Variants in PPARGC1A observed in about 807,000 individuals in gnomAD.
The protein encoded by PPARGC1A is PPARG coactivator 1 alpha.
In PPARGC1A, 25 loss-of-function variants were observed where a neutral mutation model predicts 88.7. The ratio of observed to expected loss-of-function variants is 0.28; its 90% confidence interval spans 0.21 to 0.39. The LOEUF (loss-of-function observed/expected upper bound fraction) is 0.39. Ranked by LOEUF, PPARGC1A falls within the 10% of genes least tolerant of loss-of-function variation. The pLI, the probability that PPARGC1A is intolerant of heterozygous loss-of-function variation, is 1.00. For synonymous variants in PPARGC1A, 363 were observed against 355.6 expected, an observed-to-expected ratio of 1.02 and a Z score of -0.24; for missense variants, 880 against 968.7, an observed-to-expected ratio of 0.91 and a Z score of 1.22.
the PPARGC1A span, among the ~76,000 whole-genome samples, chr4:23,974,145 T>C: frequency 3.3e-5 from 5 of 152,124 alleles, no homozygotes; most frequent in Non-Finnish European, 1.5e-5. Flanking sequence ...ATGTCCAATA[T>C]TTATTGAGAA....
At chr4:24,036,390 G>T in the PPARGC1A span, among the ~76,000 whole-genome samples, 3 of 152,118 alleles carry the variant, frequency 2.0e-5, no homozygotes, top group Non-Finnish European at 4.4e-5. Context: ...GCACTCCTGG[G>T]TTTATATCCA....
chr4:24,399,562 T>C, the PPARGC1A span, among the ~76,000 whole-genome samples: 2 of 152,156 alleles, frequency 1.3e-5, no homozygotes, highest in African/African-American at 4.8e-5. Flanking sequence ...AAAAGGACAT[T>C]ATGTGTAAGT....
chr4:23,858,716 G>A (rs1730653009), intron 2 of PPARGC1A, among the ~76,000 whole-genome samples: 1 of 152,180 alleles, frequency 6.6e-6, no homozygotes. Flanking sequence ...CAGAAAGGTA[G>A]AAAATTGACA....
At chr4:24,066,230 C>T in the PPARGC1A span, among the ~76,000 whole-genome samples, 1 of 152,022 alleles carries the variant, frequency 6.6e-6, no homozygotes, top group Admixed American at 6.6e-5. Context: ...AGGTAGAAGC[C>T]TCTCTAAAAA....
At chr4:23,866,876 CCTT>C (rs1006042768) in intron 2 of PPARGC1A, among the ~76,000 whole-genome samples, 40 of 151,984 alleles carry the variant, frequency 2.6e-4, no homozygotes, top group African/African-American at 6.5e-4. Flanking sequence ...ACTCAAGAAT[CCTT>C]CTTATTTTGC....
chr4:24,282,774 C>T, the PPARGC1A span, among the ~76,000 whole-genome samples: 1 of 152,224 alleles, frequency 6.6e-6, no homozygotes, highest in Non-Finnish European at 1.5e-5. Flanking sequence ...CCAGCACTTG[C>T]TCCGGCTGCT....
intron 7 of PPARGC1A, among the ~76,000 whole-genome samples, chr4:23,819,909 C>T (rs1173430570): frequency 6.6e-6 from 1 of 152,126 alleles, no homozygotes; most frequent in African/African-American, 2.4e-5. Context: ...CCGACAACTA[C>T]CCATATTTTA....
At chr4:24,280,552 G>A in the PPARGC1A span, among the ~76,000 whole-genome samples, 1 of 152,082 alleles carries the variant, frequency 6.6e-6, no homozygotes, top group South Asian at 2.1e-4. Context: ...GAAAGAGAAG[G>A]GAAGGAGAGA....
At chr4:23,898,834 AT>A (rs34953632) in intron 1 of PPARGC1A, among the ~76,000 whole-genome samples, 18,987 of 133,040 alleles carry the variant, frequency 0.14, 1,584 homozygotes, top group African/African-American at 0.28. Flanking sequence ...TGAGGTGGGT[AT>A]TTTTTTTTTT....
chr4:23,834,677 C>A (rs1298166200), intron 2 of PPARGC1A, among the ~76,000 whole-genome samples: 1 of 152,146 alleles, frequency 6.6e-6, no homozygotes, highest in Non-Finnish European at 1.5e-5. Context: ...AATCTACCTT[C>A]TTTCAATATG....
At chr4:24,265,542 T>G in the PPARGC1A span, among the ~76,000 whole-genome samples, 2 of 152,122 alleles carry the variant, frequency 1.3e-5, no homozygotes, top group Non-Finnish European at 2.9e-5. Context: ...GGCTTCACAG[T>G]GAGCAATGCA....
At chr4:24,313,536 A>T in the PPARGC1A span, among the ~76,000 whole-genome samples, 2 of 152,210 alleles carry the variant, frequency 1.3e-5, no homozygotes, top group Non-Finnish European at 2.9e-5. Flanking sequence ...TGGAAAGTTT[A>T]TTCAGTTTCT....
the PPARGC1A span, among the ~76,000 whole-genome samples, chr4:24,230,676 G>A: frequency 5.9e-5 from 9 of 152,284 alleles, no homozygotes; most frequent in Middle Eastern, 3.4e-3. Context: ...TCTGAGCAGT[G>A]CGAAGAGAAA....
chr4:24,170,614 C>A, the PPARGC1A span, among the ~76,000 whole-genome samples: 1 of 152,296 alleles, frequency 6.6e-6, no homozygotes, highest in South Asian at 2.1e-4. Context: ...GATAGTCCAT[C>A]AGCTCGTTGA....
the PPARGC1A span, among the ~76,000 whole-genome samples, chr4:24,178,940 T>A: frequency 6.6e-6 from 1 of 152,222 alleles, no homozygotes; most frequent in African/African-American, 2.4e-5. Context: ...GTTTCTTTTT[T>A]AATCATAACC....
chr4:24,031,200 A>G, the PPARGC1A span, among the ~76,000 whole-genome samples: 3 of 152,208 alleles, frequency 2.0e-5, no homozygotes, highest in African/African-American at 7.2e-5. Context: ...TAATGAATTA[A>G]TGATACAAAA....
At chr4:24,287,174 G>A in the PPARGC1A span, among the ~76,000 whole-genome samples, 2 of 150,970 alleles carry the variant, frequency 1.3e-5, no homozygotes, top group Admixed American at 6.6e-5. Flanking sequence ...CCTACTAGAT[G>A]CCAGTATTAC....
At chr4:24,463,039 T>C in the PPARGC1A span, among the ~76,000 whole-genome samples, 8 of 152,020 alleles carry the variant, frequency 5.3e-5, no homozygotes, top group Non-Finnish European at 1.2e-4. Context: ...TTTTTTTCCA[T>C]TCCCTCCTGC....
chr4:24,466,111 AG>A, the PPARGC1A span, among the ~76,000 whole-genome samples: 1 of 152,228 alleles, frequency 6.6e-6, no homozygotes, highest in Non-Finnish European at 1.5e-5. Flanking sequence ...TCTATCTCTC[AG>A]GCTAGATCTA....
Sources: allele counts gnomAD v4.1 joint callset (sites outside exome capture counted in the v4.1 genomes callset), GRCh38; gene constraint gnomAD v4.1.1; transcripts MANE v1.5; gene names NCBI Gene and HGNC (gene_info 2026-07-23, HGNC 2026-07-21).